NELL1: variants seen among roughly 807,000 people sequenced by gnomAD.
NELL1 encodes the protein protein kinase C-binding protein NELL1.
Under a neutral mutation model 107.4 loss-of-function variants are expected in NELL1, and 76 were observed. That is an observed-to-expected ratio of 0.71 (90% CI 0.59 to 0.86). The LOEUF (loss-of-function observed/expected upper bound fraction) is 0.86. NELL1 is among the 40% of genes least tolerant of loss of function. The pLI, the probability that NELL1 is intolerant of heterozygous loss-of-function variation, is 0.00. For synonymous variants in NELL1, 353 were observed against 341.2 expected, an observed-to-expected ratio of 1.03 and a Z score of -0.38; for missense variants, 1,024 against 1,005.5, an observed-to-expected ratio of 1.02 and a Z score of -0.25.
At chr11:20,944,586 C>T (rs1242741742) in intron 10 of NELL1, among the ~76,000 whole-genome samples, 1 of 152,136 alleles carries the variant, frequency 6.6e-6, no homozygotes, top group Non-Finnish European at 1.5e-5. Context: ...TCCACCAGCG[C>T]AGAACTCCAG....
chr11:21,573,789 G>A (rs1434505119), intron 19 of NELL1, among the ~76,000 whole-genome samples: 1 of 151,746 alleles, frequency 6.6e-6, no homozygotes, highest in Non-Finnish European at 1.5e-5. Context: ...GGGAGGGAAA[G>A]AGGGAGGAAG....
intron 12 of NELL1, among the ~76,000 whole-genome samples, chr11:20,975,937 A>ATGTGTACATATATGTACATATG (rs1242706530): frequency 1.5e-5 from 2 of 134,116 alleles, no homozygotes; most frequent in Non-Finnish European, 3.0e-5. Context: ...ATGTACATAT[A>ATGTGTACATATATGTACATATG]TGTGTACATA....
At chr11:21,215,511 G>T (rs997816444) in intron 13 of NELL1, among the ~76,000 whole-genome samples, 3 of 152,170 alleles carry the variant, frequency 2.0e-5, no homozygotes, top group Admixed American at 6.5e-5. Flanking sequence ...AGAGGGCTTA[G>T]AAGAAGATTG....
Position 21,529,547 on chromosome 11 carries a change from A to C in NELL1, c.1646-4827A>C, listed in dbSNP as rs573412185. Among the ~76,000 whole-genome samples the C allele has an allele frequency of 6.8e-5, 10 of 147,490 alleles. No individual in the cohort carries two copies. The South Asian group carries it at 2.2e-3, about 32-fold the overall frequency. ...GATTTTACTTCCTTAAACTTATGTG[A>C]AGTTTTTTGGTGACCAAGAGAATCT... On this transcript the variant is annotated intron_variant, in intron 15 of 19. Coordinates refer to ENST00000357134, the MANE Select transcript of NELL1 (RefSeq NM_006157.5).
intron 5 of NELL1, among the ~76,000 whole-genome samples, chr11:20,901,930 T>G (rs1247222980): frequency 2.6e-5 from 4 of 152,044 alleles, no homozygotes; most frequent in African/African-American, 9.7e-5. Context: ...GACACAGACA[T>G]TGAGTGATGT....
chr11:21,119,972 C>T (rs757154879), intron 13 of NELL1, among the ~76,000 whole-genome samples: 64 of 151,976 alleles, frequency 4.2e-4, no homozygotes, highest in Non-Finnish European at 6.5e-4. Flanking sequence ...TTCACAGTAA[C>T]GGGTAGGCAT....
In NELL1 at chr11:21,527,424, C is replaced by T. The variant is rs1855882749; in HGVS notation, c.1646-6950C>T. 2.0e-5 allele frequency among the ~76,000 whole-genome samples: 3 copies of T among 152,176 alleles called. No homozygotes were observed. The South Asian group carries it at 6.2e-4, about 32-fold the overall frequency. On this transcript the variant is annotated intron_variant, in intron 15 of 19. Transcript: ENST00000357134. The stretch of plus-strand genomic sequence containing the variant: ...TTTTGAGCCCTCCAAAGTGTTACAA[C>T]ATCTGCCTGTTACCCAGTTCCAAAA...
chr11:21,276,743 A>G (rs553221956), intron 14 of NELL1, among the ~76,000 whole-genome samples: 7 of 152,300 alleles, frequency 4.6e-5, no homozygotes, highest in South Asian at 2.1e-4. Flanking sequence ...AAATAATGCC[A>G]CATATCTACA....
At chr11:20,847,265 TC>T (rs1168733013) in intron 3 of NELL1, among the ~76,000 whole-genome samples, 1 of 152,176 alleles carries the variant, frequency 6.6e-6, no homozygotes, top group African/African-American at 2.4e-5. Flanking sequence ...TTTTAGACAT[TC>T]ATGGAATGAG....
intron 17 of NELL1, among the ~76,000 whole-genome samples, chr11:21,560,722 A>G (rs1054887933): frequency 6.6e-6 from 1 of 152,076 alleles, no homozygotes; most frequent in Non-Finnish European, 1.5e-5. Context: ...CCACGCTTAT[A>G]CAAACTTGCT....
intron 13 of NELL1, among the ~76,000 whole-genome samples, chr11:21,191,956 A>G (rs962205937): frequency 6.6e-6 from 1 of 151,964 alleles, no homozygotes; most frequent in African/African-American, 2.4e-5. Flanking sequence ...TATGTGAAAG[A>G]TATAAAAATT....
At chr11:20,670,986 T>C (rs1259118124) in intron 1 of NELL1, 1 of 152,340 alleles carries the variant, frequency 6.6e-6, no homozygotes, top group Non-Finnish European at 1.5e-5. Context: ...CTTTGGCAGT[T>C]AGCCCGCTGG....
intron 4 of NELL1, among the ~76,000 whole-genome samples, chr11:20,853,683 C>T (rs1013284577): frequency 6.6e-6 from 1 of 152,032 alleles, no homozygotes; most frequent in African/African-American, 2.4e-5. Context: ...AAATTTTTAC[C>T]TCTGTAAAAA....
At chr11:21,361,448 AATGACTGCATGCCT>A (rs1168038988) in intron 14 of NELL1, among the ~76,000 whole-genome samples, 1 of 152,006 alleles carries the variant, frequency 6.6e-6, no homozygotes, top group African/African-American at 2.4e-5. Context: ...TAGATAAACT[AATGACTGCATGCCT>A]ATGTGATGGT....
At chr11:21,266,604 T>C (rs2133929322) in intron 14 of NELL1, among the ~76,000 whole-genome samples, 1 of 152,224 alleles carries the variant, frequency 6.6e-6, no homozygotes, top group South Asian at 2.1e-4. Context: ...CTCTCTCTTT[T>C]TCTACATTCC....
intron 7 of NELL1, among the ~76,000 whole-genome samples, chr11:20,926,194 C>T (rs1481157085): frequency 6.6e-6 from 1 of 152,110 alleles, no homozygotes; most frequent in South Asian, 2.1e-4. Context: ...TTGAGTTACT[C>T]TTTCGTGTGG....
chr11:20,731,875 G>A (rs1257385009), intron 2 of NELL1, among the ~76,000 whole-genome samples: 1 of 152,190 alleles, frequency 6.6e-6, no homozygotes, highest in Non-Finnish European at 1.5e-5. Context: ...ATGTGGTAAG[G>A]ATGTGCATAT....
intron 12 of NELL1, among the ~76,000 whole-genome samples, chr11:21,024,261 T>C (rs1392448338): frequency 1.3e-5 from 2 of 152,148 alleles, no homozygotes; most frequent in African/African-American, 4.8e-5. Context: ...ACCTTCTACA[T>C]TGATTTACTT....
intron 3 of NELL1, among the ~76,000 whole-genome samples, chr11:20,817,233 T>C (rs546672255): frequency 6.6e-6 from 1 of 152,236 alleles, no homozygotes; most frequent in South Asian, 2.1e-4. Flanking sequence ...CTTCTTTGTA[T>C]GTTTGGTAGA....
Sources: gnomAD v4.1 joint callset for allele counts (sites outside exome capture counted in the v4.1 genomes callset) on GRCh38, gnomAD v4.1.1 for gene constraint, MANE v1.5 for transcripts, NCBI Gene and HGNC (gene_info 2026-07-23, HGNC 2026-07-21) for gene names.